Variants in MCCC2 observed in about 807,000 individuals in gnomAD.
MCCC2 encodes the protein methylcrotonoyl-CoA carboxylase beta chain, mitochondrial.
MCCC2 carries 52 observed loss-of-function variants against 77.2 expected under a neutral mutation model. The ratio of observed to expected loss-of-function variants is 0.67; its 90% CI spans 0.54 to 0.85. MCCC2 has a LOEUF of 0.85. MCCC2 is among the 40% of genes least tolerant of loss of function. The pLI, the probability that MCCC2 is intolerant of heterozygous loss-of-function variation, is 0.00. For missense variants in MCCC2, 682 were observed against 703.2 expected, an observed-to-expected ratio of 0.97 and a Z score of 0.34; for synonymous variants, 253 against 248.4, an observed-to-expected ratio of 1.02 and a Z score of -0.18.
At chr5:71,604,671 G>A (rs1170134909) in intron 6 of MCCC2, among the ~76,000 whole-genome samples, 8 of 151,542 alleles carry the variant, frequency 5.3e-5, no homozygotes, top group African/African-American at 1.5e-4. Context: ...ATGCTGGTGC[G>A]CTGCACCCAC....
intron 11 of MCCC2, 165 bp from the exon 12 acceptor site, chr5:71,643,654 G>A: frequency 7.3e-7 from 1 of 1,370,178 alleles, no homozygotes; most frequent in Non-Finnish European, 1.0e-6. Flanking sequence ...TAGGACCTTA[G>A]GAACAAGAAG....
chr5:71,650,886 T>A (rs1747420228), intron 15 of MCCC2, among the ~76,000 whole-genome samples: 1 of 152,218 alleles, frequency 6.6e-6, no homozygotes, highest in Non-Finnish European at 1.5e-5. Flanking sequence ...CCTGCCCTTG[T>A]GATCCACTCG....
rs1746547838 is a variant in MCCC2 at position 71,626,902 on chromosome 5, T to C, written c.738+149T>C. On this transcript the variant is annotated intron_variant, in intron 7 of 16. Transcript: ENST00000340941. The stretch of plus-strand genomic sequence containing the variant: ...GTTGTAACCGTTTTTCAGTACAGCT[T>C]GGTGACGTTTAGTATGTTCATATTG... 8 of 769,000 alleles carry C rather than the reference T, an allele frequency of 1.0e-5. No homozygotes were observed. In the East Asian group the frequency reaches 1.9e-4, roughly 18 times the overall value. 47.6% of individuals were successfully genotyped at this position (769,000 alleles called of 1,614,324 possible).
At chr5:71,646,155 T>G (rs1272648196) in intron 12 of MCCC2, 56 bp from the exon 13 acceptor site, 4 of 1,438,070 alleles carry the variant, frequency 2.8e-6, no homozygotes, top group Admixed American at 1.7e-5. Flanking sequence ...GTAGAATGCA[T>G]GATGATAATA....
rs375761210 is a variant in MCCC2 at position 71,593,069 on chromosome 5, A to G, written c.196+77A>G. 3.0e-4 allele frequency: 369 copies of G among 1,250,322 alleles called. 3 individuals carry two copies. The East Asian group carries it at 3.9e-3, about 13-fold the overall frequency. 77.5% of individuals were successfully genotyped at this position (1,250,322 alleles called of 1,614,324 possible). ...AATAGTTATTGCTTTTAGGAAAAATACTGGAATTAAGCTTTTGATATTTTT... is the reference window on the plus strand; with the variant it reads ...AATAGTTATTGCTTTTAGGAAAAATGCTGGAATTAAGCTTTTGATATTTTT... On this transcript the variant is annotated intron_variant, in intron 2 of 16. Coordinates refer to ENST00000340941, the MANE Select transcript of MCCC2 (RefSeq NM_022132.5).
At chr5:71,643,344 G>A (rs1376326943) in intron 11 of MCCC2, among the ~76,000 whole-genome samples, 2 of 152,156 alleles carry the variant, frequency 1.3e-5, no homozygotes, top group Non-Finnish European at 2.9e-5. Flanking sequence ...CCATGACTGT[G>A]CTACTGTGTT....
At chr5:71,628,330 T>C (rs974188433) in intron 7 of MCCC2, among the ~76,000 whole-genome samples, 4 of 152,258 alleles carry the variant, frequency 2.6e-5, no homozygotes, top group African/African-American at 9.6e-5. Flanking sequence ...GTAGGTTGTC[T>C]TTTTTACTTT....
At chr5:71,617,831 AT>A (rs1194376720) in intron 6 of MCCC2, among the ~76,000 whole-genome samples, 1 of 152,202 alleles carries the variant, frequency 6.6e-6, no homozygotes, top group East Asian at 1.9e-4. Context: ...TCTATTGGCA[AT>A]CATACCCGTA....
At chr5:71,597,840 C>G (rs1312067114) in intron 3 of MCCC2, among the ~76,000 whole-genome samples, 2 of 152,102 alleles carry the variant, frequency 1.3e-5, no homozygotes, top group Non-Finnish European at 2.9e-5. Flanking sequence ...TCTCTTTTTT[C>G]CCTCCTAATG....
At chr5:71,600,633 A>C (rs1388116016) in intron 4 of MCCC2, among the ~76,000 whole-genome samples, 1 of 152,142 alleles carries the variant, frequency 6.6e-6, no homozygotes, top group Non-Finnish European at 1.5e-5. Flanking sequence ...AAAATTGTTG[A>C]ATGGTTTATA....
intron 6 of MCCC2, among the ~76,000 whole-genome samples, chr5:71,611,543 AATAT>A (rs1745944887): frequency 6.6e-6 from 1 of 152,250 alleles, no homozygotes; most frequent in African/African-American, 2.4e-5. Flanking sequence ...TGCATCTGTC[AATAT>A]AAGTCTCAAA....
Position 71,615,906 on chromosome 5 carries a change from G to A in MCCC2, c.625-10734G>A, listed in dbSNP as rs561099331. 2.6e-5 allele frequency among the ~76,000 whole-genome samples: 4 copies of A among 152,232 alleles called. No homozygotes were observed. In the South Asian group the frequency reaches 8.3e-4, roughly 32 times the overall value. Reference sequence around the variant, plus strand: ...GCGACTCTTAGTGGGCTCCTGGATGGTGCTGGTCACCAGAAAGACCAAGCC... The same window carrying A: ...GCGACTCTTAGTGGGCTCCTGGATGATGCTGGTCACCAGAAAGACCAAGCC... On this transcript the variant is annotated intron_variant, in intron 6 of 16. Transcript: ENST00000340941.
At chr5:71,647,411 T>C (rs150342981) in intron 13 of MCCC2, among the ~76,000 whole-genome samples, 28 of 152,338 alleles carry the variant, frequency 1.8e-4, no homozygotes, top group African/African-American at 6.7e-4. Context: ...TGGTAACTTA[T>C]GTAAAAGGGC....
intron 1 of MCCC2, 110 bp downstream of exon 1, chr5:71,587,664 C>G: frequency 1.4e-6 from 2 of 1,382,848 alleles, no homozygotes; most frequent in African/African-American, 1.4e-5. Flanking sequence ...CCAGTTGATT[C>G]TGTGACGCAC....
intron 14 of MCCC2, among the ~76,000 whole-genome samples, chr5:71,649,617 A>C (rs932490398): frequency 2.6e-5 from 4 of 152,254 alleles, no homozygotes; most frequent in Admixed American, 2.6e-4. Flanking sequence ...GGAAGTTCAA[A>C]GAACAGCACG....
intron 6 of MCCC2, among the ~76,000 whole-genome samples, chr5:71,619,237 G>C (rs1746284617): frequency 6.6e-6 from 1 of 151,946 alleles, no homozygotes; most frequent in Non-Finnish European, 1.5e-5. Flanking sequence ...AGTTAGGATA[G>C]GTACTGCATC....
At position 71,633,131 on chromosome 5, in the gene MCCC2, ATT is replaced by A. The variant is rs1306338509; in HGVS notation, c.803+950_803+951del. Among the ~76,000 whole-genome samples, 87 of 78,080 alleles carry A rather than the reference ATT, an allele frequency of 1.1e-3. 2 individuals carry two copies. The highest frequency in any genetic ancestry group is 3.9e-3 in the African/African-American group (78 of 19,760). 51.2% of individuals were successfully genotyped at this position (78,080 alleles called of 152,430 possible). A position where few individuals can be genotyped will look rare whatever the true frequency, so the allele number is the denominator to read the frequency against. The stretch of plus-strand genomic sequence containing the variant: ...TATATATATATATATATATATATAT[ATT>A]TTTATTTTTTGTAGAAACAGGTGTC... On this transcript the variant is annotated intron_variant, in intron 8 of 16. Coordinates refer to ENST00000340941, the MANE Select transcript of MCCC2 (RefSeq NM_022132.5).
At chr5:71,639,007 T>C (rs1469133838) in intron 10 of MCCC2, among the ~76,000 whole-genome samples, 1 of 152,216 alleles carries the variant, frequency 6.6e-6, no homozygotes, top group African/African-American at 2.4e-5. Flanking sequence ...AAATCTTTTT[T>C]TCTGAGTAGT....
At chr5:71,634,522 A>G (rs1319544268) in intron 8 of MCCC2, among the ~76,000 whole-genome samples, 2 of 152,214 alleles carry the variant, frequency 1.3e-5, no homozygotes, top group African/African-American at 4.8e-5. Flanking sequence ...GCCGTAACCA[A>G]CTACATCATG....
Sources: gnomAD v4.1 joint callset for allele counts (sites outside exome capture counted in the v4.1 genomes callset) on GRCh38, gnomAD v4.1.1 for gene constraint, MANE v1.5 for transcripts, NCBI Gene and HGNC (gene_info 2026-07-23, HGNC 2026-07-21) for gene names.